NDST3: variants seen among roughly 807,000 people sequenced by gnomAD.
NDST3 encodes N-deacetylase and N-sulfotransferase 3.
NDST3 carries 58 observed loss-of-function variants against 96.1 expected under a neutral mutation model. The ratio of observed to expected loss-of-function variants is 0.60; its 90% confidence interval spans 0.49 to 0.75. NDST3 has a LOEUF of 0.75. Among genes scored for constraint, NDST3 ranks in the 30% least tolerant of loss-of-function variants. The pLI is 0.00. For synonymous variants in NDST3, 333 were observed against 359.7 expected, an observed-to-expected ratio of 0.93 and a Z score of 0.84; for missense variants, 788 against 1,034.2, an observed-to-expected ratio of 0.76 and a Z score of 3.27.
chr4:118,109,655 T>TTAAATCA (rs1441143984), intron 3 of NDST3, among the ~76,000 whole-genome samples: 1 of 152,200 alleles, frequency 6.6e-6, no homozygotes, highest in Non-Finnish European at 1.5e-5. Flanking sequence ...CTAAGACCAG[T>TTAAATCA]TAAATCATTT....
At chr4:118,114,743 T>C in intron 3 of NDST3, 63 bp from the exon 4 acceptor site, 1 of 1,497,036 alleles carries the variant, frequency 6.7e-7, no homozygotes, top group Non-Finnish European at 9.2e-7. Flanking sequence ...AATAGATAAG[T>C]AGATTGATTG....
chr4:118,235,284 A>G (rs1371174769), intron 9 of NDST3, among the ~76,000 whole-genome samples: 1 of 152,164 alleles, frequency 6.6e-6, no homozygotes, highest in African/African-American at 2.4e-5. Flanking sequence ...ATGTGAGCCT[A>G]TTTGTGGAGC....
At chr4:118,177,292 T>G (rs1736339618) in intron 6 of NDST3, among the ~76,000 whole-genome samples, 1 of 151,978 alleles carries the variant, frequency 6.6e-6, no homozygotes, top group Non-Finnish European at 1.5e-5. Context: ...TTTTTGCCAT[T>G]TGCCTCTTTC....
chr4:118,242,053 A>C lies in NDST3; in HGVS notation c.2303A>C (p.Asp768Ala). Reference sequence around the variant, plus strand: ...TTGATAATTTAGTTGCTAATTATTGATGGGCAACAACTAAGAACTGATCCT... The same window carrying C: ...TTGATAATTTAGTTGCTAATTATTGCTGGGCAACAACTAAGAACTGATCCT... Reference protein sequence around the residue: ...YFPPFQLLIIDGQQLRTDPAT... With the variant: ...YFPPFQLLIIAGQQLRTDPAT... The change falls in exon 12 of 14, where the codon GAT (aspartate) becomes GCT (alanine). Residue 768 changes from aspartate (D) to alanine (A), a missense_variant. Asp to Ala is a moderately radical substitution (Grantham distance 126, BLOSUM62 -2). Coordinates refer to ENST00000296499, the MANE Select transcript of NDST3 (RefSeq NM_004784.3). 1.2e-6 allele frequency: 2 copies of C among 1,608,862 alleles called. No individual in the cohort carries two copies. Among genetic ancestry groups the C allele is most frequent in the South Asian group, 2.2e-5 (2 of 90,258 alleles).
At chr4:118,068,528 C>T (rs1439505828) in intron 2 of NDST3, among the ~76,000 whole-genome samples, 1 of 151,972 alleles carries the variant, frequency 6.6e-6, no homozygotes, top group Non-Finnish European at 1.5e-5. Context: ...TTCCAAACCA[C>T]GGAAAAGCCA....
intron 6 of NDST3, among the ~76,000 whole-genome samples, chr4:118,163,655 G>C (rs1438877728): frequency 6.6e-6 from 1 of 152,066 alleles, no homozygotes; most frequent in Non-Finnish European, 1.5e-5. Context: ...AATGCTAAAT[G>C]ATGAGTTAAT....
chr4:118,232,657 GA>G (rs1387025259), intron 8 of NDST3, among the ~76,000 whole-genome samples: 1 of 147,450 alleles, frequency 6.8e-6, no homozygotes, highest in Admixed American at 6.8e-5. Context: ...GAAAGAGAGA[GA>G]AAGAAGGAAA....
At chr4:118,063,072 C>G (rs1038024560) in intron 2 of NDST3, among the ~76,000 whole-genome samples, 1 of 151,774 alleles carries the variant, frequency 6.6e-6, no homozygotes, top group Non-Finnish European at 1.5e-5. Flanking sequence ...CTCCTGTAGT[C>G]CCAGCTACTC....
At chr4:118,079,864 T>C (rs1578596238) in intron 2 of NDST3, among the ~76,000 whole-genome samples, 1 of 152,032 alleles carries the variant, frequency 6.6e-6, no homozygotes, top group African/African-American at 2.4e-5. Context: ...ATATTGAAAA[T>C]GTAGCTAAAG....
intron 6 of NDST3, among the ~76,000 whole-genome samples, chr4:118,186,257 G>A (rs999841762): frequency 6.6e-6 from 1 of 152,056 alleles, no homozygotes; most frequent in African/African-American, 2.4e-5. Context: ...TAAAACAATG[G>A]CTCCCATAAT....
intron 3 of NDST3, among the ~76,000 whole-genome samples, chr4:118,108,999 T>C (rs1370251441): frequency 6.6e-5 from 10 of 152,238 alleles, no homozygotes; most frequent in Admixed American, 4.6e-4. Flanking sequence ...TTAAATCTTT[T>C]GCTTACAGGA....
chr4:118,131,946 G>A (rs932521155), intron 4 of NDST3, among the ~76,000 whole-genome samples: 1 of 152,102 alleles, frequency 6.6e-6, no homozygotes, highest in Non-Finnish European at 1.5e-5. Flanking sequence ...CTGGAACTGG[G>A]ATTATGATGA....
intron 8 of NDST3, among the ~76,000 whole-genome samples, chr4:118,229,187 G>C (rs894477685): frequency 1.3e-5 from 2 of 152,182 alleles, no homozygotes; most frequent in East Asian, 3.8e-4. Flanking sequence ...TGTAGTCCCA[G>C]GTACTCAGGA....
Position 118,255,755 on chromosome 4 carries a change from A to T in NDST3, c.*43A>T. The T allele has an allele frequency of 6.6e-7, 1 of 1,520,432 alleles. No homozygotes were observed. The highest frequency in any genetic ancestry group is 8.9e-7 in the Non-Finnish European group (1 of 1,128,410). 94.2% of individuals were successfully genotyped at this position (1,520,432 alleles called of 1,614,324 possible). On this transcript the variant is annotated 3_prime_UTR_variant, in exon 14 of 14. Coordinates refer to ENST00000296499, the MANE Select transcript of NDST3 (RefSeq NM_004784.3). ...AGACTTCATCGTCCATGTAGAACAC[A>T]CCTTTTCCAAAGCTTCCAGAAGCTA...
At chr4:118,142,264 A>G (rs1300641820) in intron 5 of NDST3, among the ~76,000 whole-genome samples, 1 of 151,904 alleles carries the variant, frequency 6.6e-6, no homozygotes, top group East Asian at 1.9e-4. Context: ...TTCTAAGGAT[A>G]TAACTTCTAC....
rs187701588 is a variant in NDST3, at chr4:118,130,106, A to G, written c.1225-7948A>G. Among the ~76,000 whole-genome samples the G allele has an allele frequency of 1.9e-3, 282 of 152,214 alleles. 1 individual carries two copies. In the Middle Eastern group the frequency reaches 0.02, roughly 11 times the overall value. ...TAAGTGAAGTGTGTTTCTTGTGGGCAACAGATCATAGAGTCTTGTATTTTC... is the reference window on the plus strand; with the variant it reads ...TAAGTGAAGTGTGTTTCTTGTGGGCGACAGATCATAGAGTCTTGTATTTTC... On this transcript the variant is annotated intron_variant, in intron 4 of 13. Coordinates refer to ENST00000296499, the MANE Select transcript of NDST3 (RefSeq NM_004784.3).
At chr4:118,254,761 C>G (rs1742010122) in intron 13 of NDST3, among the ~76,000 whole-genome samples, 1 of 152,084 alleles carries the variant, frequency 6.6e-6, no homozygotes, top group African/African-American at 2.4e-5. Flanking sequence ...TCTGAGGATC[C>G]TAAGGTGGGC....
chr4:118,253,546 A>C lies in NDST3; in HGVS notation c.2447A>C (p.Lys816Thr). Reference sequence around the variant, plus strand: ...TGGTGTCAGTTACTGGAAGAAGGTAAAACAAAATGCCTTGGAAAGAGCAAA... The same window carrying C: ...TGGTGTCAGTTACTGGAAGAAGGTACAACAAAATGCCTTGGAAAGAGCAAA... ...GFWCQLLEEGKTKCLGKSKGR... is the reference protein window; with the variant it reads ...GFWCQLLEEGTTKCLGKSKGR... The change falls in exon 13 of 14, where the codon AAA becomes ACA. Residue 816 changes from lysine to threonine, a missense_variant. This residue lies in a region of NDST3 where 64 missense variants were observed against 68.5 expected (regional missense o/e 0.93). Transcript: ENST00000296499. The C allele has an allele frequency of 6.2e-7, 1 of 1,613,344 alleles. No homozygotes were observed. The highest frequency in any genetic ancestry group is 8.5e-7 in the Non-Finnish European group (1 of 1,179,556).
At position 118,215,038 on chromosome 4, in the gene NDST3, C is replaced by T. The variant is rs76838324; in HGVS notation, c.1540-9453C>T. On this transcript the variant is annotated intron_variant, in intron 6 of 13. Transcript: ENST00000296499. ...GCTTACTTACACTCTATTACAAGCA[C>T]ATAAAGAGCTCAATTTAGCCATGTT... 4.9e-4 allele frequency among the ~76,000 whole-genome samples: 74 copies of T among 152,160 alleles called. No individual in the cohort carries two copies. In the South Asian group the frequency reaches 0.015, roughly 31 times the overall value.
Sources: gnomAD v4.1 joint callset for allele counts (sites outside exome capture counted in the v4.1 genomes callset) on GRCh38, gnomAD v4.1.1 for gene constraint, gnomAD v4.1.1 regional missense constraint, MANE v1.5 for transcripts, NCBI Gene and HGNC (gene_info 2026-07-23, HGNC 2026-07-21) for gene names.